The following PLCH1 variants were observed in gnomAD, a reference collection of about 807,000 sequenced individuals.
PLCH1 encodes phospholipase C eta 1.
PLCH1 carries 60 observed loss-of-function variants against 126.7 expected under a neutral mutation model. That is an observed-to-expected ratio of 0.47 (90% confidence interval 0.38 to 0.59). PLCH1 has a LOEUF of 0.59. Ranked by LOEUF, PLCH1 falls within the 20% of genes least tolerant of loss-of-function variation. The probability of loss-of-function intolerance (pLI) is 0.00; values close to 1 mark genes in which losing one functional copy is unlikely to be tolerated. For missense variants in PLCH1, 1,723 were observed against 2,040.0 expected (o/e 0.84, Z 2.99); for synonymous variants, 719 against 734.9 (o/e 0.98, Z 0.35).
In PLCH1 at chr3:155,514,827, G is replaced by A. The variant is rs750387429; in HGVS notation, c.1528C>T (p.Leu510=). The A allele has an allele frequency of 9.9e-6, 16 of 1,612,238 alleles. No individual in the cohort carries two copies. The highest frequency in any genetic ancestry group is 4.5e-5 in the East Asian group (2 of 44,856). ...ESFIRKKLES[L]LKESQIRDKE... ...TCTCGAATTTGAGATTCTTTTAACA[G>A]TGACTCCAGTTTTTTCCTTATGAAA... is the stretch of plus-strand genomic sequence containing the variant. Residue 510 remains leucine (L), a synonymous_variant, in exon 12 of 23, where the codon CTG becomes TTG. Coordinates refer to ENST00000460012, the MANE Select transcript of PLCH1 (RefSeq NM_014996.4).
chr3:155,534,506 G>A (rs113937829), intron 10 of PLCH1, among the ~76,000 whole-genome samples: 272 of 152,268 alleles, frequency 1.8e-3, no homozygotes, highest in African/African-American at 5.2e-3. Flanking sequence ...GACTTCCCTC[G>A]TCTCAGATGA....
At chr3:155,588,708 T>C (rs1731701938) in intron 4 of PLCH1, among the ~76,000 whole-genome samples, 3 of 152,304 alleles carry the variant, frequency 2.0e-5, no homozygotes, top group Middle Eastern at 3.4e-3. Context: ...GCCTTGATTA[T>C]TGGTTTAGGG....
rs575477584 is a variant in PLCH1 at position 155,679,122 on chromosome 3, G to T, written c.79+25024C>A. 2.8e-4 allele frequency among the ~76,000 whole-genome samples: 43 copies of T among 152,292 alleles called. No individual in the cohort carries two copies. The South Asian group carries it at 3.5e-3, about 12-fold the overall frequency. Reference sequence around the variant, plus strand: ...CTGCCTGGCCTTGGGTCAGTTATGGGTAGGGTTGTCATATAAAACAAGACA... The same window carrying T: ...CTGCCTGGCCTTGGGTCAGTTATGGTTAGGGTTGTCATATAAAACAAGACA... On this transcript the variant is annotated intron_variant, in intron 2 of 22. Coordinates refer to ENST00000460012, the MANE Select transcript of PLCH1 (RefSeq NM_014996.4).
intron 2 of PLCH1, among the ~76,000 whole-genome samples, chr3:155,610,364 G>GAAAAAAAAAAAAAA (rs569174791): frequency 2.5e-5 from 1 of 39,456 alleles, no homozygotes; most frequent in East Asian, 5.9e-4. Flanking sequence ...TGCGTCTGGA[G>GAAAAAAAAAAAAAA]AAAAAAAAAA....
Position 155,600,595 on chromosome 3 carries a change from A to G in PLCH1, c.80-4217T>C, listed in dbSNP as rs541441208. ...TACATTCTCCTTTATGGTACGCTTA[A>G]GATAGCTAAAAAAAAAAAAAAAAAA... On this transcript the variant is annotated intron_variant, in intron 2 of 22. Transcript: ENST00000460012. Among the ~76,000 whole-genome samples, 634 of 129,818 alleles carry G rather than the reference A, an allele frequency of 4.9e-3. 2 individuals carry two copies. Among genetic ancestry groups the G allele is most frequent in the Admixed American group, 8.5e-3 (106 of 12,498 alleles). The allele number at this position is 129,818 out of a possible 152,430, so 85.2% of individuals were successfully genotyped here.
chr3:155,528,958 T>C (rs1247315807), intron 10 of PLCH1, among the ~76,000 whole-genome samples: 1 of 152,246 alleles, frequency 6.6e-6, no homozygotes, highest in Non-Finnish European at 1.5e-5. Flanking sequence ...GGCTGGCAAA[T>C]ATTTTATACA....
intron 10 of PLCH1, among the ~76,000 whole-genome samples, chr3:155,542,569 A>G (rs494576): frequency 0.55 from 82,897 of 151,434 alleles, 27,503 homozygotes; most frequent in Non-Finnish European, 0.75. Context: ...ATCTGAGAAC[A>G]GGCAGACTGT....
chr3:155,585,060 A>T (rs946348958), intron 5 of PLCH1, among the ~76,000 whole-genome samples: 1 of 152,162 alleles, frequency 6.6e-6, no homozygotes, highest in Non-Finnish European at 1.5e-5. Context: ...CAGGTTCCCT[A>T]TACAGCAAAT....
chr3:155,537,681 T>G (rs1252828765), intron 10 of PLCH1, among the ~76,000 whole-genome samples: 1 of 151,980 alleles, frequency 6.6e-6, no homozygotes, highest in Non-Finnish European at 1.5e-5. Context: ...AAAGAACTAG[T>G]CCAGCAGGAA....
intron 4 of PLCH1, among the ~76,000 whole-genome samples, chr3:155,590,654 G>A (rs554931357): frequency 1.3e-5 from 2 of 151,912 alleles, no homozygotes; most frequent in East Asian, 3.9e-4. Flanking sequence ...GGAGCCTGAG[G>A]CAGGAGAATG....
At chr3:155,694,828 T>C (rs994552334) in intron 2 of PLCH1, among the ~76,000 whole-genome samples, 2 of 152,172 alleles carry the variant, frequency 1.3e-5, no homozygotes, top group Non-Finnish European at 1.5e-5. Flanking sequence ...TTTTTCTTGT[T>C]TGTGAAGCTG....
At chr3:155,490,942 G>C in intron 18 of PLCH1, 74 bp from the exon 19 acceptor site, 1 of 837,140 alleles carries the variant, frequency 1.2e-6, no homozygotes, top group South Asian at 1.5e-5. Flanking sequence ...GAGAATATTG[G>C]CCAAAATGTC....
At chr3:155,709,864 T>C (rs1383304092) in intron 1 of PLCH1, among the ~76,000 whole-genome samples, 1 of 152,078 alleles carries the variant, frequency 6.6e-6, no homozygotes, top group Non-Finnish European at 1.5e-5. Context: ...GGGATCTTCC[T>C]GCCTCAGCTT....
At chr3:155,586,430 G>C (rs1303723198) in intron 4 of PLCH1, among the ~76,000 whole-genome samples, 3 of 152,202 alleles carry the variant, frequency 2.0e-5, no homozygotes, top group Non-Finnish European at 4.4e-5. Flanking sequence ...TTCCCGGCTG[G>C]GTGCAGTGGC....
intron 6 of PLCH1, among the ~76,000 whole-genome samples, chr3:155,568,893 T>C (rs916074536): frequency 1.3e-5 from 2 of 152,064 alleles, no homozygotes; most frequent in Non-Finnish European, 2.9e-5. Flanking sequence ...GTAGCTAGCA[T>C]AACAACTCTG....
intron 21 of PLCH1, among the ~76,000 whole-genome samples, chr3:155,486,552 C>T (rs1401724002): frequency 1.3e-4 from 16 of 126,674 alleles, no homozygotes; most frequent in Non-Finnish European, 2.0e-4. Context: ...GAGTCTCGCT[C>T]TGTCGCCCAG....
chr3:155,689,936 C>G (rs1317371268), intron 2 of PLCH1, among the ~76,000 whole-genome samples: 4 of 150,766 alleles, frequency 2.7e-5, no homozygotes, highest in African/African-American at 9.8e-5. Context: ...GGTTAAGGAA[C>G]ACAAAGCAGA....
intron 8 of PLCH1, among the ~76,000 whole-genome samples, chr3:155,562,465 C>T (rs879259376): frequency 6.6e-6 from 1 of 152,162 alleles, no homozygotes; most frequent in Non-Finnish European, 1.5e-5. Context: ...CTCACCAATA[C>T]CTTGAAGATA....
chr3:155,482,764 C>T lies in PLCH1; in HGVS notation c.3262G>A (p.Val1088Ile). The T allele has an allele frequency of 1.2e-6, 2 of 1,614,170 alleles. No individual in the cohort carries two copies. The highest frequency in any genetic ancestry group is 4.5e-5 in the East Asian group (2 of 44,886). ...PKQHLAPDPV[V>I]NPTQDLHGVK... ...CCATGCAGATCTTGTGTGGGGTTAACTACAGGATCGGGAGCCAAATGCTGC... is the reference window on the plus strand; with the variant it reads ...CCATGCAGATCTTGTGTGGGGTTAATTACAGGATCGGGAGCCAAATGCTGC... The change falls in exon 23 of 23, where the codon GTT becomes ATT. Residue 1088 changes from valine to isoleucine, a missense_variant. Around this residue, in one of 2 missense-constraint regions of PLCH1, gnomAD observed 947 missense variants for 977.1 expected, o/e 0.97. Coordinates refer to ENST00000460012, the MANE Select transcript of PLCH1 (RefSeq NM_014996.4).
Sources: gnomAD v4.1 joint callset for allele counts (sites outside exome capture counted in the v4.1 genomes callset) on GRCh38, gnomAD v4.1.1 for gene constraint, gnomAD v4.1.1 regional missense constraint, MANE v1.5 for transcripts, NCBI Gene and HGNC (gene_info 2026-07-23, HGNC 2026-07-21) for gene names.